Variants in KCNJ15 observed in about 807,000 individuals in gnomAD.
The protein encoded by KCNJ15 is ATP-sensitive inward rectifier potassium channel 15.
KCNJ15 carries 14 observed loss-of-function variants against 23.0 expected under a neutral mutation model. The observed-to-expected ratio is 0.61, with a 90% CI of 0.40 to 0.95. The LOEUF is 0.95. KCNJ15 is among the 40% of genes least tolerant of loss of function. The pLI is 0.00. For missense variants in KCNJ15, 388 were observed against 461.8 expected (o/e 0.84, Z 1.46); for synonymous variants, 185 against 183.2 (o/e 1.01, Z -0.08).
intron 1 of KCNJ15, among the ~76,000 whole-genome samples, chr21:38,273,667 A>T (rs1982333999): frequency 6.6e-6 from 1 of 152,238 alleles, no homozygotes; most frequent in Admixed American, 6.5e-5. Context: ...TAAAACTAAT[A>T]GCTTTGTGTG....
Position 38,301,491 on chromosome 21 carries a change from T to C in KCNJ15, c.*1102T>C, listed in dbSNP as rs1985777345. ...AGCAAAATAAAGCTCTTGAGAGTAA[T>C]TGTTGTCTCAGTCATGCTTGCTGAT... On this transcript the variant is annotated 3_prime_UTR_variant, in exon 3 of 3. Coordinates refer to ENST00000398938, the MANE Select transcript of KCNJ15 (RefSeq NM_170736.3). 1 of 167,092 alleles carries C rather than the reference T, an allele frequency of 6.0e-6. No individual in the cohort carries two copies. Among genetic ancestry groups the C allele is most frequent in the Non-Finnish European group, 1.5e-5 (1 of 68,122 alleles). 10.4% of individuals were successfully genotyped at this position (167,092 alleles called of 1,614,324 possible). A position where few individuals can be genotyped will look rare whatever the true frequency, so the allele number is the denominator to read the frequency against.
At chr21:38,265,363 T>C (rs1218016819) in intron 1 of KCNJ15, among the ~76,000 whole-genome samples, 4 of 152,260 alleles carry the variant, frequency 2.6e-5, no homozygotes, top group Admixed American at 2.6e-4. Context: ...TAAGGATATG[T>C]ACATTTAAAC....
chr21:38,230,867 T>G, intron 1 of KCNJ15, among the ~76,000 whole-genome samples: 1 of 152,074 alleles, frequency 6.6e-6, no homozygotes, highest in East Asian at 1.9e-4. Context: ...GATCTTCAAT[T>G]TAGTTCTTTT....
Position 38,305,187 on chromosome 21 carries a change from C to T in KCNJ15, c.*4798C>T, listed in dbSNP as rs1278096918. ...CACTTAACCCTATGGCCCTCCTTAT[C>T]TTGCACCCAATTTCTTTTCAACATC... On this transcript the variant is annotated 3_prime_UTR_variant, in exon 3 of 3. Coordinates refer to ENST00000398938, the MANE Select transcript of KCNJ15 (RefSeq NM_170736.3). 2 of 151,952 alleles carry T rather than the reference C, an allele frequency of 1.3e-5. No individual in the cohort carries two copies. The highest frequency in any genetic ancestry group is 2.9e-5 in the Non-Finnish European group (2 of 67,986). 9.4% of individuals were successfully genotyped at this position (151,952 alleles called of 1,614,324 possible).
intron 1 of KCNJ15, chr21:38,238,332 G>T (rs1271713457): frequency 2.8e-6 from 2 of 717,814 alleles, no homozygotes; most frequent in African/African-American, 3.5e-5. Flanking sequence ...GCCTTCGGAG[G>T]GTACTCAGGA....
intron 1 of KCNJ15, among the ~76,000 whole-genome samples, chr21:38,240,803 T>TTTGGCATTTAGTCTGTAAAACC (rs1978943518): frequency 6.6e-6 from 1 of 152,224 alleles, no homozygotes; most frequent in South Asian, 2.1e-4. Flanking sequence ...AGCATCATAC[T>TTTGGCATTTAGTCTGTAAAACC]TTGGCATTTA....
chr21:38,260,202 A>T (rs1351715035), intron 1 of KCNJ15, among the ~76,000 whole-genome samples: 2 of 152,156 alleles, frequency 1.3e-5, no homozygotes, highest in Non-Finnish European at 2.9e-5. Context: ...GAGGGGGTAG[A>T]TATTTCTGAT....
chr21:38,286,678 T>TC (rs1364090992), intron 1 of KCNJ15, among the ~76,000 whole-genome samples: 33 of 152,316 alleles, frequency 2.2e-4, no homozygotes, highest in African/African-American at 6.0e-4. Flanking sequence ...TTACCAGAAT[T>TC]ACTGGTAATA....
At chr21:38,298,835 A>G (rs1232120850) in intron 2 of KCNJ15, among the ~76,000 whole-genome samples, 3 of 152,254 alleles carry the variant, frequency 2.0e-5, no homozygotes, top group Non-Finnish European at 2.9e-5. Context: ...AAATAAATGC[A>G]TAAGAGTTTG....
Position 38,231,883 on chromosome 21 carries a change from A to C in KCNJ15, c.-398-25163A>C, listed in dbSNP as rs145117251. On this transcript the variant is annotated intron_variant, in intron 1 of 4. Transcript: ENST00000547341. ...TATTTAATTTGCTTGTATTTTGTTG[A>C]GAACTTTTGTGTTTATATTCGTAAT... Among the ~76,000 whole-genome samples the C allele has an allele frequency of 2.0e-4, 30 of 151,856 alleles. No individual in the cohort carries two copies. In the East Asian group the frequency reaches 5.0e-3, roughly 25 times the overall value.
chr21:38,283,562 G>A (rs896078607), intron 1 of KCNJ15, among the ~76,000 whole-genome samples: 21 of 152,190 alleles, frequency 1.4e-4, no homozygotes, highest in Non-Finnish European at 2.9e-4. Context: ...TGGTGACTCA[G>A]ATTGCTTCTA....
rs117260652 is a variant in KCNJ15, at chr21:38,297,333, A to C, written c.-19+310A>C. On this transcript the variant is annotated intron_variant, in intron 2 of 2. Transcript: ENST00000398938. Reference sequence around the variant, plus strand: ...GCTGCCCCTTTGAAAGAGAGTTTCAAACAGAAGCTTCATGGTGCTGCCTTC... The same window carrying C: ...GCTGCCCCTTTGAAAGAGAGTTTCACACAGAAGCTTCATGGTGCTGCCTTC... Among the ~76,000 whole-genome samples, 239 of 152,322 alleles carry C rather than the reference A, an allele frequency of 1.6e-3. 7 individuals carry two copies. The East Asian group carries it at 0.04, about 26-fold the overall frequency.
At chr21:38,282,451 C>T (rs2836282) in intron 1 of KCNJ15, among the ~76,000 whole-genome samples, 100,062 of 152,084 alleles carry the variant, frequency 0.66, 33,638 homozygotes, top group Non-Finnish European at 0.73. Context: ...GAGAGATGTA[C>T]AACTAATTTT....
At chr21:38,294,924 C>T (rs2836297) in intron 1 of KCNJ15, among the ~76,000 whole-genome samples, 15,305 of 152,154 alleles carry the variant, frequency 0.1, 2,179 homozygotes, top group African/African-American at 0.32. Context: ...AGGTAGATAT[C>T]GCCATTCTAA....
intron 1 of KCNJ15, among the ~76,000 whole-genome samples, chr21:38,283,956 G>A (rs1225675332): frequency 2.0e-5 from 3 of 152,130 alleles, no homozygotes; most frequent in African/African-American, 7.2e-5. Context: ...GCTCAGTCTG[G>A]GTTGCTGCTT....
chr21:38,300,291 G>T lies in KCNJ15; in HGVS notation c.1030G>T (p.Ala344Ser), dbSNP rs766391345. 6.2e-7 allele frequency: 1 copy of T among 1,614,124 alleles called. No homozygotes were observed. The highest frequency in any genetic ancestry group is 1.7e-5 in the Admixed American group (1 of 60,020). The change falls in exon 3 of 3, where the codon GCA becomes TCA. Residue 344 changes from alanine to serine, a missense_variant. By Grantham distance (99) the Ala-to-Ser change is moderately conservative. Transcript: ENST00000398938. ...RKSPDCTFYC[A>S]DSEKQQLEEK... is the part of the protein sequence containing the mutation. ...AAGCCCAGATTGCACATTTTACTGTGCAGATTCTGAGAAACAGCAACTCGA... is the reference window on the plus strand; with the variant it reads ...AAGCCCAGATTGCACATTTTACTGTTCAGATTCTGAGAAACAGCAACTCGA...
chr21:38,299,457 AAACTCACCC>A lies in KCNJ15; in HGVS notation c.197_205del (p.Lys66_Leu69delinsMet). The stretch of plus-strand genomic sequence containing the variant: ...AGTTATCGACATGAAGTGGAGATAC[AAACTCACCC>A]TGTTCGCTGCCACTTTTGTGATGAC... On this transcript the variant is annotated inframe_deletion, in exon 3 of 3. Transcript: ENST00000398938. The surrounding 1 kb of genome is among the most constrained non-coding windows in gnomAD (Gnocchi z 4.5). 1.2e-6 allele frequency: 2 copies of A among 1,614,196 alleles called. No homozygotes were observed. The highest frequency in any genetic ancestry group is 1.7e-6 in the Non-Finnish European group (2 of 1,180,028).
chr21:38,231,125 A>C (rs539095434), intron 1 of KCNJ15, among the ~76,000 whole-genome samples: 1 of 152,154 alleles, frequency 6.6e-6, no homozygotes, highest in South Asian at 2.1e-4. Context: ...ACAAAGTGTT[A>C]CATTACAGCA....
intron 1 of KCNJ15, among the ~76,000 whole-genome samples, chr21:38,277,703 G>A (rs1425223216): frequency 6.6e-6 from 1 of 151,974 alleles, no homozygotes; most frequent in East Asian, 1.9e-4. Context: ...TCAACACTGG[G>A]GAAGCTCATT....
Sources: allele counts gnomAD v4.1 joint callset (sites outside exome capture counted in the v4.1 genomes callset), GRCh38; gene constraint gnomAD v4.1.1; non-coding constraint Gnocchi (gnomAD v3.1); transcripts MANE v1.5; gene names NCBI Gene and HGNC (gene_info 2026-07-23, HGNC 2026-07-21).